L2HGDH: variants seen among roughly 807,000 people sequenced by gnomAD.
The protein encoded by L2HGDH is L-2-hydroxyglutarate dehydrogenase, also known as L-2-hydroxyglutarate dehydrogenase, mitochondrial.
L2HGDH carries 34 observed loss-of-function variants against 51.5 expected under a neutral mutation model. That is an observed-to-expected ratio of 0.66 (90% CI 0.50 to 0.88). L2HGDH has a LOEUF of 0.88. Among genes scored for constraint, L2HGDH ranks in the 40% least tolerant of loss-of-function variants. The pLI, the probability that L2HGDH is intolerant of heterozygous loss-of-function variation, is 0.00. For synonymous variants in L2HGDH, 198 were observed against 197.9 expected (o/e 1.00, Z -0.01); for missense variants, 558 against 571.9 (o/e 0.98, Z 0.25).
intron 1 of L2HGDH, among the ~76,000 whole-genome samples, chr14:50,308,872 C>T (rs763984423): frequency 1.3e-5 from 2 of 152,160 alleles, no homozygotes; most frequent in Non-Finnish European, 1.5e-5. Context: ...GTTCTTCAAC[C>T]CATGGTAAAC....
chr14:50,287,052 T>C (rs1448146705), intron 4 of L2HGDH: 2 of 354,052 alleles, frequency 5.6e-6, no homozygotes, highest in Admixed American at 1.3e-4. Context: ...GATCTTGAGG[T>C]GGGCAACTCT....
intron 4 of L2HGDH, among the ~76,000 whole-genome samples, chr14:50,284,272 G>C (rs575952637): frequency 6.6e-6 from 1 of 152,240 alleles, no homozygotes; most frequent in African/African-American, 2.4e-5. Context: ...TTTTAAATAA[G>C]CTCTAGTGAG....
chr14:50,269,183 C>T lies in L2HGDH; in HGVS notation c.886G>A (p.Val296Ile). 1.3e-6 allele frequency: 2 copies of T among 1,512,692 alleles called. No homozygotes were observed. The highest frequency in any genetic ancestry group is 1.8e-6 in the Non-Finnish European group (2 of 1,114,382). 93.7% of individuals were successfully genotyped at this position (1,512,692 alleles called of 1,614,324 possible). ...CCTACCGGATAAATATTTCCTTTTACAAGATAACATTTTTCTGGCTTCAAA... is the reference window on the plus strand; with the variant it reads ...CCTACCGGATAAATATTTCCTTTTATAAGATAACATTTTTCTGGCTTCAAA... ...LLLKPEKCYL[V>I]KGNIYPVPDS... The change falls in exon 7 of 10, where the codon GTA becomes ATA. Residue 296 changes from valine (V) to isoleucine (I), a missense_variant. Physicochemically the swap from Val to Ile is conservative, Grantham distance 29. This residue lies in a region of L2HGDH where 321 missense variants were observed against 311.8 expected (regional missense o/e 1.03). Transcript: ENST00000267436.
intron 9 of L2HGDH, among the ~76,000 whole-genome samples, chr14:50,251,824 G>A (rs577689963): frequency 1.2e-4 from 18 of 152,116 alleles, no homozygotes; most frequent in Middle Eastern, 6.8e-3. Flanking sequence ...ACAAAGTTGA[G>A]GGATTTCATC....
At chr14:50,280,795 C>T (rs1050907520) in intron 5 of L2HGDH, among the ~76,000 whole-genome samples, 20 of 149,240 alleles carry the variant, frequency 1.3e-4, no homozygotes, top group African/African-American at 2.5e-4. Context: ...ATTACAGGCG[C>T]GAGCCACTGC....
intron 9 of L2HGDH, 39 bp downstream of exon 9, chr14:50,265,319 G>A: frequency 1.3e-6 from 2 of 1,570,394 alleles, no homozygotes; most frequent in Non-Finnish European, 1.8e-6. Flanking sequence ...GTTCACATAG[G>A]TCAGGACTGT....
Position 50,294,219 on chromosome 14 carries a change from T to C in L2HGDH, c.436A>G (p.Ile146Val), listed in dbSNP as rs113305249. The C allele has an allele frequency of 6.2e-7, 1 of 1,613,676 alleles. No homozygotes were observed. The highest frequency in any genetic ancestry group is 8.5e-7 in the Non-Finnish European group (1 of 1,179,914). The change falls in exon 4 of 10, where the codon ATT (isoleucine) becomes GTT (valine). Residue 146 changes from isoleucine (I) to valine (V), a missense_variant. By Grantham distance (29) the Ile-to-Val change is conservative. This residue lies in a region of L2HGDH where 194 missense variants were observed against 187.2 expected (regional missense o/e 1.04). Transcript: ENST00000267436. The part of the protein sequence containing the change: ...KLIVAVEQEE[I>V]PRLQALYEKG... ...TCATATAGGGCCTGAAGTCTGGGAA[T>C]TTCTTCTTGTTCAACAGCTACTATA...
At chr14:50,282,232 C>T (rs753863958) in intron 5 of L2HGDH, among the ~76,000 whole-genome samples, 10 of 152,098 alleles carry the variant, frequency 6.6e-5, no homozygotes, top group African/African-American at 1.9e-4. Flanking sequence ...TCCTACAGTG[C>T]ACCGGATAGC....
chr14:50,263,971 C>T (rs530915623), intron 9 of L2HGDH, among the ~76,000 whole-genome samples: 5 of 151,184 alleles, frequency 3.3e-5, no homozygotes, highest in Admixed American at 6.6e-5. Flanking sequence ...GACAAGGTTT[C>T]TCCATTTTGG....
At chr14:50,275,990 C>T (rs966170452) in intron 6 of L2HGDH, among the ~76,000 whole-genome samples, 8 of 152,122 alleles carry the variant, frequency 5.3e-5, no homozygotes, top group African/African-American at 1.7e-4. Context: ...TTTGGGTTCC[C>T]CTGCCAGTAA....
At chr14:50,290,736 T>C (rs1890828566) in intron 4 of L2HGDH, among the ~76,000 whole-genome samples, 1 of 152,036 alleles carries the variant, frequency 6.6e-6, no homozygotes, top group Admixed American at 6.5e-5. Flanking sequence ...CAATCTCCAC[T>C]CACTGCAACC....
rs1887872339 is a variant in L2HGDH, at chr14:50,243,380, GCTAT to G, written c.*3674_*3677del. The G allele has an allele frequency of 2.0e-6, 2 of 983,156 alleles. No individual in the cohort carries two copies. The highest frequency in any genetic ancestry group is 2.4e-6 in the Non-Finnish European group (2 of 828,094). The allele number at this position is 983,156 out of a possible 1,614,324, so 60.9% of individuals were successfully genotyped here. ...AATGAGTTTTTTAAAAAGGTTGGCT[GCTAT>G]CTATCTAAAGCAAACAGTTTATGTT... On this transcript the variant is annotated 3_prime_UTR_variant, in exon 10 of 10. Coordinates refer to ENST00000267436, the MANE Select transcript of L2HGDH (RefSeq NM_024884.3).
chr14:50,308,091 C>T (rs749176022), intron 1 of L2HGDH, among the ~76,000 whole-genome samples: 27 of 152,114 alleles, frequency 1.8e-4, no homozygotes, highest in Non-Finnish European at 3.4e-4. Context: ...TCAAAACAAG[C>T]CATTTAGAAC....
At chr14:50,295,747 T>G (rs1324686148) in intron 3 of L2HGDH, among the ~76,000 whole-genome samples, 8 of 130,878 alleles carry the variant, frequency 6.1e-5, no homozygotes, top group African/African-American at 2.6e-4. Context: ...CATAGCATCT[T>G]TTTTTTTTTT....
rs35924556 is a variant in L2HGDH, at chr14:50,246,438, ATTTTTTT to A, written c.*613_*619del. 1.3e-4 allele frequency: 8 copies of A among 62,884 alleles called. 1 individual carries two copies. The highest frequency in any genetic ancestry group is 2.3e-4 in the African/African-American group (3 of 12,816). The allele number at this position is 62,884 out of a possible 1,614,324, so 3.9% of individuals were successfully genotyped here. Reference sequence around the variant, plus strand: ...TCATTCACTATGTTGCCCAGGCTGGATTTTTTTTTTTTTTTTTTTTTTTTTTGAGACA... The same window carrying A: ...TCATTCACTATGTTGCCCAGGCTGGATTTTTTTTTTTTTTTTTTTGAGACA... On this transcript the variant is annotated 3_prime_UTR_variant, in exon 10 of 10. Transcript: ENST00000267436.
intron 2 of L2HGDH, 145 bp downstream of exon 2, chr14:50,302,757 C>T: frequency 1.4e-6 from 1 of 697,772 alleles, no homozygotes; most frequent in Admixed American, 2.0e-5. Flanking sequence ...TCTCAAATAA[C>T]CTATAGCCAT....
chr14:50,308,112 C>T (rs2030834738), intron 1 of L2HGDH, among the ~76,000 whole-genome samples: 1 of 152,144 alleles, frequency 6.6e-6, no homozygotes. Context: ...GTAGGCAGGC[C>T]GGGTGCGATG....
rs1566533898 is a variant in L2HGDH, at chr14:50,294,246, G to C, written c.409C>G (p.Leu137Val). ...TCTTCTTGTTCAACAGCTACTATAA[G>C]CTTCAAAAAAAAAAAGGTAAGGAGC... ...KGISYKQCGK[L>V]IVAVEQEEIP... The change falls in exon 4 of 10, where the codon CTT becomes GTT. Residue 137 changes from leucine to valine, a missense_variant and splice_region_variant. Physicochemically the swap from Leu to Val is conservative, Grantham distance 32. Transcript: ENST00000267436. 1.9e-6 allele frequency: 3 copies of C among 1,601,020 alleles called. No individual in the cohort carries two copies. The highest frequency in any genetic ancestry group is 1.1e-5 in the South Asian group (1 of 89,800).
At chr14:50,256,567 T>A (rs910640) in intron 9 of L2HGDH, among the ~76,000 whole-genome samples, 131,249 of 151,980 alleles carry the variant, frequency 0.86, 56,804 homozygotes, top group East Asian at 0.91. Flanking sequence ...TAGATTTTTT[T>A]AAATCCAACC....
Sources: allele counts gnomAD v4.1 joint callset (sites outside exome capture counted in the v4.1 genomes callset), GRCh38; gene constraint gnomAD v4.1.1; regional missense constraint gnomAD v4.1.1; transcripts MANE v1.5; gene names NCBI Gene and HGNC (gene_info 2026-07-23, HGNC 2026-07-21).